SSH2: variants seen among roughly 807,000 people sequenced by gnomAD.
SSH2 encodes slingshot protein phosphatase 2.
Under a neutral mutation model 135.2 loss-of-function variants are expected in SSH2, and 37 were observed. The observed-to-expected ratio is 0.27, with a 90% CI of 0.21 to 0.36. The LOEUF (loss-of-function observed/expected upper bound fraction) is 0.36, where lower values mean the gene tolerates loss of function less well. Among genes scored for constraint, SSH2 ranks in the 10% least tolerant of loss-of-function variants. The pLI is 1.00. For missense variants in SSH2, 1,408 were observed against 1,765.3 expected (o/e 0.80, Z 3.63); for synonymous variants, 628 against 646.2 (o/e 0.97, Z 0.43).
At chr17:29,923,543 C>T (rs1293492441) in intron 1 of SSH2, among the ~76,000 whole-genome samples, 3 of 151,536 alleles carry the variant, frequency 2.0e-5, no homozygotes, top group Non-Finnish European at 4.4e-5. Flanking sequence ...TCACTTGAGC[C>T]CAGGAGGTCA....
chr17:29,698,813 TAA>T, intron 4 of SSH2, among the ~76,000 whole-genome samples: 1 of 152,220 alleles, frequency 6.6e-6, no homozygotes, highest in Middle Eastern at 3.4e-3. Flanking sequence ...TCTTTAAAAT[TAA>T]GTTTCCTTCT....
intron 4 of SSH2, among the ~76,000 whole-genome samples, chr17:29,701,890 T>A (rs753983647): frequency 8.7e-4 from 76 of 87,124 alleles, no homozygotes; most frequent in South Asian, 2.5e-3. Context: ...TAATTTAAAA[T>A]TTTTTTTTTT....
rs1017964154 is a variant in SSH2 at position 29,848,736 on chromosome 17, G to C, written c.144+113C>G. 4 of 655,072 alleles carry C rather than the reference G, an allele frequency of 6.1e-6. No homozygotes were observed. The African/African-American group carries it at 7.2e-5, about 12-fold the overall frequency. 40.6% of individuals were successfully genotyped at this position (655,072 alleles called of 1,614,324 possible). On this transcript the variant is annotated intron_variant, in intron 2 of 15. Coordinates refer to ENST00000540801, the MANE Select transcript of SSH2 (RefSeq NM_001282129.2). The stretch of plus-strand genomic sequence containing the variant: ...CCTTCCCAGACATTTGGCTGAATGG[G>C]GTCAAATAGATAAAATAATAGGCAC...
rs961636074 is a variant in SSH2 at position 29,633,424 on chromosome 17, C to T, written c.2263-493G>A. On this transcript the variant is annotated intron_variant, in intron 15 of 15. Transcript: ENST00000540801. ...TGTCCCAGTGATAGAGCAAGATGGA[C>T]GAGGCTATCACCTGATGTCTGATTT... 4.6e-5 allele frequency among the ~76,000 whole-genome samples: 7 copies of T among 152,250 alleles called. 1 individual carries two copies. The highest frequency in any genetic ancestry group is 2.4e-5 in the African/African-American group (1 of 41,538).
intron 1 of SSH2, among the ~76,000 whole-genome samples, chr17:29,921,698 G>A (rs2066979132): frequency 6.6e-6 from 1 of 151,864 alleles, no homozygotes; most frequent in Non-Finnish European, 1.5e-5. Flanking sequence ...TGCCTCAGTA[G>A]GAGTAGCTGG....
At chr17:29,748,216 T>C (rs1282911102) in intron 3 of SSH2, among the ~76,000 whole-genome samples, 2 of 152,032 alleles carry the variant, frequency 1.3e-5, no homozygotes, top group Non-Finnish European at 2.9e-5. Flanking sequence ...ATTACTGCTC[T>C]GCTGATTTTA....
chr17:29,691,649 C>T (rs2038481341), intron 5 of SSH2, among the ~76,000 whole-genome samples: 1 of 151,824 alleles, frequency 6.6e-6, no homozygotes, highest in Non-Finnish European at 1.5e-5. Context: ...TGCCACCACG[C>T]CCGGCTAATT....
chr17:29,631,180 T>C lies in SSH2; in HGVS notation c.4014A>G (p.Pro1338=). 1 of 1,614,172 alleles carries C rather than the reference T, an allele frequency of 6.2e-7. No homozygotes were observed. The highest frequency in any genetic ancestry group is 8.5e-7 in the Non-Finnish European group (1 of 1,180,030). The change falls in exon 16 of 16, where the codon CCA becomes CCG. Residue 1338 remains proline, a synonymous_variant. Transcript: ENST00000540801. ...TGGGCTCTGGGTTGTGGGGGGCACC[T>C]GGGTTTTCTAGGGACTCTTGGTCCT... ...AMEDQESLEN[P]GAPHNPEPTK... is the part of the protein sequence containing the mutation.
At chr17:29,915,741 G>A (rs2066869736) in intron 1 of SSH2, among the ~76,000 whole-genome samples, 1 of 151,240 alleles carries the variant, frequency 6.6e-6, no homozygotes, top group Non-Finnish European at 1.5e-5. Flanking sequence ...ACTTTGCTGT[G>A]GAAATTGGCA....
Position 29,929,964 on chromosome 17 carries a change from TG to T in SSH2, c.36del (p.Ser13AlafsTer57). On this transcript the variant is annotated frameshift_variant, in exon 1 of 16. Coordinates refer to ENST00000540801, the MANE Select transcript of SSH2 (RefSeq NM_001282129.2). LOFTEE classifies it high-confidence loss of function. ...ALVTVQRSPTPSTTSSPCASS... is the reference protein window; with the variant it reads ...ALVTVQRSPTXSTTSSPCASS... ...GAGGCGCAGGGGCTGGAGGTGGTGC[TG>T]GGGGTAGGTGACCGCTGGACCGTGA... 1 of 1,599,160 alleles carries T rather than the reference TG, an allele frequency of 6.3e-7. No homozygotes were observed.
At chr17:29,693,084 C>T (rs1225806045) in intron 5 of SSH2, among the ~76,000 whole-genome samples, 4 of 151,940 alleles carry the variant, frequency 2.6e-5, no homozygotes, top group South Asian at 2.1e-4. Context: ...TGCAGCCTCC[C>T]GAGTAGCTGG....
At chr17:29,925,582 C>T in intron 1 of SSH2, 1 of 397,910 alleles carries the variant, frequency 2.5e-6, no homozygotes, top group East Asian at 3.6e-5. Flanking sequence ...TTAAAATTAG[C>T]TGGGCAGTCC....
At chr17:29,651,096 T>G (rs2036562285) in intron 12 of SSH2, among the ~76,000 whole-genome samples, 1 of 152,208 alleles carries the variant, frequency 6.6e-6, no homozygotes, top group Non-Finnish European at 1.5e-5. Context: ...TTGATAGTAT[T>G]CTGAAAATAT....
At chr17:29,781,721 G>A (rs1056996540) in intron 3 of SSH2, among the ~76,000 whole-genome samples, 1 of 151,206 alleles carries the variant, frequency 6.6e-6, no homozygotes, top group Admixed American at 6.6e-5. Flanking sequence ...CTCGTGATCC[G>A]CCTGCCTCAG....
intron 3 of SSH2, among the ~76,000 whole-genome samples, chr17:29,716,950 T>TACCG (rs911157045): frequency 3.9e-4 from 59 of 152,290 alleles, no homozygotes; most frequent in African/African-American, 1.4e-3. Context: ...ACCTAATGTG[T>TACCG]ACCGGCAAAT....
intron 5 of SSH2, 77 bp downstream of exon 5, chr17:29,695,382 G>A: frequency 8.9e-7 from 1 of 1,127,416 alleles, no homozygotes; most frequent in Non-Finnish European, 1.3e-6. Flanking sequence ...GTGTTGGGAT[G>A]TAAAAATGAC....
At chr17:29,921,296 G>A (rs1314534891) in intron 1 of SSH2, among the ~76,000 whole-genome samples, 1 of 152,178 alleles carries the variant, frequency 6.6e-6, no homozygotes, top group Non-Finnish European at 1.5e-5. Flanking sequence ...ACTCAACACA[G>A]TGTCTAGTAT....
chr17:29,690,662 A>T (rs1417993298), intron 5 of SSH2, among the ~76,000 whole-genome samples: 1 of 152,182 alleles, frequency 6.6e-6, no homozygotes, highest in Non-Finnish European at 1.5e-5. Context: ...CACTTGTGAC[A>T]CTAGTAAACT....
At chr17:29,758,891 G>C (rs917319307) in intron 3 of SSH2, among the ~76,000 whole-genome samples, 1 of 152,014 alleles carries the variant, frequency 6.6e-6, no homozygotes, top group Admixed American at 6.6e-5. Flanking sequence ...TGGGACTACA[G>C]GTGTGTAACA....
Sources: gnomAD v4.1 joint callset for allele counts (sites outside exome capture counted in the v4.1 genomes callset) on GRCh38, gnomAD v4.1.1 for gene constraint, MANE v1.5 for transcripts, NCBI Gene and HGNC (gene_info 2026-07-23, HGNC 2026-07-21) for gene names.